ZSWIM9: variants seen among roughly 807,000 people sequenced by gnomAD.
ZSWIM9 encodes the protein uncharacterized protein ZSWIM9.
In ZSWIM9, 11 loss-of-function variants were observed where a neutral mutation model predicts 25.0. The ratio of observed to expected loss-of-function variants is 0.44; its 90% CI spans 0.28 to 0.73. The LOEUF (loss-of-function observed/expected upper bound fraction) is 0.73, where lower values mean the gene tolerates loss of function less well. Among genes scored for constraint, ZSWIM9 ranks in the 30% least tolerant of loss-of-function variants. The pLI is 0.16. For synonymous variants in ZSWIM9, 562 were observed against 582.1 expected (o/e 0.97, Z 0.50); for missense variants, 1,070 against 1,296.5 (o/e 0.83, Z 2.68).
intron 1 of ZSWIM9, chr19:48,171,239 G>A: frequency 1.0e-6 from 1 of 985,408 alleles, no homozygotes; most frequent in Non-Finnish European, 1.2e-6. Context: ...GGAGTGCGGA[G>A]CCACAGGTGC....
At chr19:48,173,973 C>T (rs187654967) in intron 2 of ZSWIM9, among the ~76,000 whole-genome samples, 2 of 152,244 alleles carry the variant, frequency 1.3e-5, no homozygotes, top group Non-Finnish European at 1.5e-5. Flanking sequence ...AGTTAGGTTT[C>T]CAGCTTCCAC....
At chr19:48,187,532 T>TTA (rs2037037959) in intron 3 of ZSWIM9, 1 of 79,004 alleles carries the variant, frequency 1.3e-5, no homozygotes, top group Non-Finnish European at 2.3e-5. Context: ...ATATATTATA[T>TTA]TATTATTATA....
At chr19:48,192,484 T>A (rs1256508747) in intron 3 of ZSWIM9, among the ~76,000 whole-genome samples, 5 of 32,530 alleles carry the variant, frequency 1.5e-4, no homozygotes, top group Admixed American at 4.2e-4. Flanking sequence ...AAAAAAAATA[T>A]ATATATATAT....
rs1568576763 is a variant in ZSWIM9 at position 48,182,502 on chromosome 19, C to A, written c.323C>A (p.Pro108Gln). Residue 108 changes from proline to glutamine, a missense_variant, in exon 3 of 4, where the codon CCG (proline) becomes CAG (glutamine). Coordinates refer to ENST00000614654, the MANE Select transcript of ZSWIM9 (RefSeq NM_199341.4). The surrounding 1 kb of genome is among the most constrained non-coding windows in gnomAD (Gnocchi z 4.6). ...CPAFIIVKLS[P>Q]LRDRLVVTEC... ...GCCTTCATCATCGTCAAGCTGAGCC[C>A]GCTGCGGGACCGCCTCGTGGTGACG... 1 of 1,535,712 alleles carries A rather than the reference C, an allele frequency of 6.5e-7. No homozygotes were observed. Among genetic ancestry groups the A allele is most frequent in the East Asian group, 2.4e-5 (1 of 40,916 alleles).
Position 48,195,071 on chromosome 19 carries a change from G to A in ZSWIM9, c.1007G>A (p.Gly336Asp). The A allele has an allele frequency of 1.5e-6, 2 of 1,375,812 alleles. No individual in the cohort carries two copies. The highest frequency in any genetic ancestry group is 1.5e-5 in the South Asian group (1 of 65,998). 85.2% of individuals were successfully genotyped at this position (1,375,812 alleles called of 1,614,324 possible). Residue 336 changes from glycine to aspartate, a missense_variant, in exon 4 of 4, where the codon GGC becomes GAC. Gly to Asp is a moderately conservative substitution (Grantham distance 94). This residue lies in a region of ZSWIM9 where 184 missense variants were observed against 243.1 expected (regional missense o/e 0.76). Coordinates refer to ENST00000614654, the MANE Select transcript of ZSWIM9 (RefSeq NM_199341.4). The surrounding 1 kb of genome is among the most constrained non-coding windows in gnomAD (Gnocchi z 5.8). ...AAGGCGCAGGAGCTGGGCGGCGCCG[G>A]CCGCGAGGACCCGGGCCTGTGGTCG... ...FSKAQELGGAGREDPGLWSRL... is the reference protein window; with the variant it reads ...FSKAQELGGADREDPGLWSRL...
intron 1 of ZSWIM9, chr19:48,171,098 A>G (rs2036794562): frequency 3.1e-6 from 1 of 325,358 alleles, no homozygotes; most frequent in Admixed American, 6.5e-5. Context: ...CGAAGCGTGG[A>G]TAACTGCATG....
chr19:48,195,345 T>C lies in ZSWIM9; in HGVS notation c.1281T>C (p.Leu427=). 6.6e-7 allele frequency: 1 copy of C among 1,526,212 alleles called. No homozygotes were observed. The highest frequency in any genetic ancestry group is 8.7e-7 in the Non-Finnish European group (1 of 1,143,290). The allele number at this position is 1,526,212 out of a possible 1,614,324, so 94.5% of individuals were successfully genotyped here. The stretch of plus-strand genomic sequence containing the variant: ...CCTCGCGTGGCGTGGCGCAGTGCCT[T>C]CGCGACCTGGTGGCCATGCAGTGGG... ...LSPSRGVAQC[L]RDLVAMQWAD... The change falls in exon 4 of 4, where the codon CTT becomes CTC. Residue 427 remains leucine, a synonymous_variant. Transcript: ENST00000614654. This position sits in a 1 kb window ranked among gnomAD's most constrained non-coding sequence, Gnocchi z 5.8.
chr19:48,195,213 C>T lies in ZSWIM9; in HGVS notation c.1149C>T (p.Pro383=). The change falls in exon 4 of 4, where the codon CCC becomes CCT. Residue 383 remains proline, a synonymous_variant. Coordinates refer to ENST00000614654, the MANE Select transcript of ZSWIM9 (RefSeq NM_199341.4). The surrounding 1 kb of genome is among the most constrained non-coding windows in gnomAD (Gnocchi z 5.8). ...ACTACTTCGAGCGCAACTGGGAGCCCCGCCGCGACATGTGGGTCCGCTTCC... is the reference window on the plus strand; with the variant it reads ...ACTACTTCGAGCGCAACTGGGAGCCTCGCCGCGACATGTGGGTCCGCTTCC... ...FVDYFERNWE[P]RRDMWVRFRA... The T allele has an allele frequency of 6.5e-7, 1 of 1,527,426 alleles. No individual in the cohort carries two copies. The allele number at this position is 1,527,426 out of a possible 1,614,324, so 94.6% of individuals were successfully genotyped here.
chr19:48,181,731 T>G (rs1237817211), intron 2 of ZSWIM9: 1 of 152,250 alleles, frequency 6.6e-6, no homozygotes, highest in Non-Finnish European at 1.5e-5. Flanking sequence ...CACGTCCTCA[T>G]CAACACTTGA....
rs1459399143 is a variant in ZSWIM9, at chr19:48,195,012, C to A, written c.948C>A (p.Ile316=). 2 of 1,361,734 alleles carry A rather than the reference C, an allele frequency of 1.5e-6. No individual in the cohort carries two copies. The highest frequency in any genetic ancestry group is 4.0e-5 in the Admixed American group (1 of 24,850). 84.4% of individuals were successfully genotyped at this position (1,361,734 alleles called of 1,614,324 possible). ...TGCTGCCCTGCGCGCGCGTGCAGATCTGCCGCGCGCAGGGCCTGGAGACGC... is the reference window on the plus strand; with the variant it reads ...TGCTGCCCTGCGCGCGCGTGCAGATATGCCGCGCGCAGGGCCTGGAGACGC... ...RQLLPCARVQ[I]CRAQGLETLF... is the part of the protein sequence containing the mutation. Residue 316 remains isoleucine (I), a synonymous_variant, in exon 4 of 4, where the codon ATC becomes ATA. Transcript: ENST00000614654. The surrounding 1 kb of genome is among the most constrained non-coding windows in gnomAD (Gnocchi z 5.8).
At chr19:48,191,874 G>A (rs1203360194) in intron 3 of ZSWIM9, 1 of 154,720 alleles carries the variant, frequency 6.5e-6, no homozygotes, top group Non-Finnish European at 1.5e-5. Flanking sequence ...GGAACAAGAA[G>A]CCCTGGACCC....
chr19:48,187,565 AATATTAT>A (rs2037041692), intron 3 of ZSWIM9: 2 of 23,684 alleles, frequency 8.4e-5, no homozygotes, highest in Non-Finnish European at 1.8e-4. Context: ...TATTATATAT[AATATTAT>A]ATATATTATA....
In ZSWIM9 at chr19:48,171,877, C is replaced by A; in HGVS notation, c.75C>A (p.Phe25Leu). The A allele has an allele frequency of 6.5e-7, 1 of 1,535,682 alleles. No individual in the cohort carries two copies. The highest frequency in any genetic ancestry group is 8.7e-7 in the Non-Finnish European group (1 of 1,146,694). The part of the protein sequence containing the change: ...EEQELRERAF[F>L]SWAEFSRFFD... ...AGGAGCTGCGGGAGCGGGCCTTCTT[C>A]TCGTGGGCCGAGTTCAGCCGCTTCT... The change falls in exon 2 of 4, where the codon TTC becomes TTA. Residue 25 changes from phenylalanine to leucine, a missense_variant. Transcript: ENST00000614654.
At position 48,194,968 on chromosome 19, in the gene ZSWIM9, T is replaced by C; in HGVS notation, c.904T>C (p.Leu302=). Residue 302 remains leucine (L), a synonymous_variant, in exon 4 of 4, where the codon TTG becomes CTG. Transcript: ENST00000614654. The surrounding 1 kb of genome is among the most constrained non-coding windows in gnomAD (Gnocchi z 6.0). ...CGCCGGGCCCGAGGTGGCGGCGCAG[T>C]TGCCTGCAGTGCGCCAGCTGCTGCC... The part of the protein sequence containing the change: ...LTAGPEVAAQ[L]PAVRQLLPCA... 7.5e-7 allele frequency: 1 copy of C among 1,330,940 alleles called. No homozygotes were observed. The highest frequency in any genetic ancestry group is 9.6e-7 in the Non-Finnish European group (1 of 1,043,484). 82.4% of individuals were successfully genotyped at this position (1,330,940 alleles called of 1,614,324 possible).
intron 3 of ZSWIM9, among the ~76,000 whole-genome samples, chr19:48,185,137 CT>C (rs34561252): frequency 0.44 from 54,538 of 124,108 alleles, 10,243 homozygotes; most frequent in East Asian, 0.6. Context: ...TGCTTTCATA[CT>C]TTTTTTTTTT....
rs1406144667 is a variant in ZSWIM9 at position 48,194,467 on chromosome 19, G to A, written c.589-186G>A. Among the ~76,000 whole-genome samples, 1 of 152,194 alleles carries A rather than the reference G, an allele frequency of 6.6e-6. No homozygotes were observed. The highest frequency in any genetic ancestry group is 2.4e-5 in the African/African-American group (1 of 41,448). Reference sequence around the variant, plus strand: ...CTGGATCTCAAACCCAGGCAATCCGGCTCCAGAGTGTTTTTAACCATTTCC... The same window carrying A: ...CTGGATCTCAAACCCAGGCAATCCGACTCCAGAGTGTTTTTAACCATTTCC... On this transcript the variant is annotated intron_variant, in intron 3 of 3. Coordinates refer to ENST00000614654, the MANE Select transcript of ZSWIM9 (RefSeq NM_199341.4). This position sits in a 1 kb window ranked among gnomAD's most constrained non-coding sequence, Gnocchi z 6.0.
chr19:48,195,545 A>G lies in ZSWIM9; in HGVS notation c.1481A>G (p.Lys494Arg), dbSNP rs1031784236. Residue 494 changes from lysine to arginine, a missense_variant, in exon 4 of 4, where the codon AAG becomes AGG. By Grantham distance (26) the Lys-to-Arg change is conservative. This residue lies in a region of ZSWIM9 where 583 missense variants were observed against 624.7 expected (regional missense o/e 0.93). Coordinates refer to ENST00000614654, the MANE Select transcript of ZSWIM9 (RefSeq NM_199341.4). The surrounding 1 kb of genome is among the most constrained non-coding windows in gnomAD (Gnocchi z 5.8). ...ATTTGGAGGGGAGCCCAGATGGAGA[A>G]GGAGTGGGCAAGGGCACTGGAAACC... ...GSIWRGAQME[K>R]EWARALETRD... is the part of the protein sequence containing the mutation. 77 of 1,415,416 alleles carry G rather than the reference A, an allele frequency of 5.4e-5. 2 individuals carry two copies. The South Asian group carries it at 1.1e-3, about 20-fold the overall frequency. The allele number at this position is 1,415,416 out of a possible 1,614,324, so 87.7% of individuals were successfully genotyped here. A position where few individuals can be genotyped will look rare whatever the true frequency, so the allele number is the denominator to read the frequency against.
intron 3 of ZSWIM9, among the ~76,000 whole-genome samples, chr19:48,184,632 T>G (rs139435563): frequency 1.3e-5 from 2 of 152,292 alleles, no homozygotes; most frequent in Non-Finnish European, 2.9e-5. Flanking sequence ...TAATTTTAGC[T>G]AATGTTTATC....
chr19:48,192,500 C>CAT (rs2037109760), intron 3 of ZSWIM9, among the ~76,000 whole-genome samples: 2 of 40,126 alleles, frequency 5.0e-5, no homozygotes, highest in South Asian at 2.4e-3. Flanking sequence ...TATATATATA[C>CAT]ACACACACAC....
Sources: gnomAD v4.1 joint callset for allele counts (sites outside exome capture counted in the v4.1 genomes callset) on GRCh38, gnomAD v4.1.1 for gene constraint, gnomAD v4.1.1 regional missense constraint, Gnocchi (gnomAD v3.1) non-coding constraint, MANE v1.5 for transcripts, NCBI Gene and HGNC (gene_info 2026-07-23, HGNC 2026-07-21) for gene names.